CNGB3: variants seen among roughly 807,000 people sequenced by gnomAD.
CNGB3 encodes cyclic nucleotide gated channel subunit beta 3, also known as cyclic nucleotide-gated channel beta-3.
A neutral mutation model predicts 92.8 loss-of-function variants in CNGB3; 86 were observed. The observed-to-expected ratio is 0.93, with a 90% CI of 0.78 to 1.11. The LOEUF (loss-of-function observed/expected upper bound fraction) is 1.11, where lower values mean the gene tolerates loss of function less well. Among genes scored for constraint, CNGB3 ranks in the 50% least tolerant of loss-of-function variants. CNGB3 has a pLI of 0.00. For missense variants in CNGB3, 1,026 were observed against 956.8 expected (o/e 1.07, Z -0.95); for synonymous variants, 333 against 332.7 (o/e 1.00, Z -0.01).
intron 14 of CNGB3, among the ~76,000 whole-genome samples, chr8:86,607,356 G>T (rs1433404426): frequency 6.6e-6 from 1 of 152,152 alleles, no homozygotes. Flanking sequence ...TTAGCGTGTG[G>T]ACTAATTTGG....
chr8:86,629,144 A>G, intron 11 of CNGB3, 66 bp from the exon 12 acceptor site: 1 of 1,541,288 alleles, frequency 6.5e-7, no homozygotes, highest in Non-Finnish European at 9.0e-7. Context: ...GTCAAATTAC[A>G]TGTTTTCCAC....
intron 13 of CNGB3, among the ~76,000 whole-genome samples, chr8:86,619,296 G>T (rs958068038): frequency 6.6e-6 from 1 of 152,114 alleles, no homozygotes; most frequent in Non-Finnish European, 1.5e-5. Flanking sequence ...TTTAAAAATC[G>T]AGATCGAAAT....
At chr8:86,685,168 G>A (rs756254372) in intron 3 of CNGB3, among the ~76,000 whole-genome samples, 1 of 152,012 alleles carries the variant, frequency 6.6e-6, no homozygotes, top group East Asian at 1.9e-4. Context: ...TCTTACAACT[G>A]CATGCAAATC....
intron 16 of CNGB3, 95 bp downstream of exon 16, chr8:86,579,011 A>T: frequency 6.4e-7 from 1 of 1,567,142 alleles, no homozygotes; most frequent in Non-Finnish European, 8.8e-7. Flanking sequence ...CACTGTGATC[A>T]AGTTTATCAC....
intron 3 of CNGB3, among the ~76,000 whole-genome samples, chr8:86,671,848 A>C (rs1439540968): frequency 6.6e-6 from 1 of 152,224 alleles, no homozygotes; most frequent in African/African-American, 2.4e-5. Context: ...GTGAGAGCCT[A>C]GTCTGGCCTG....
At chr8:86,724,828 G>T (rs902172532) in intron 3 of CNGB3, among the ~76,000 whole-genome samples, 2 of 152,052 alleles carry the variant, frequency 1.3e-5, no homozygotes, top group African/African-American at 4.8e-5. Flanking sequence ...AAAGCCTGCG[G>T]CAGGAGGGAA....
chr8:86,607,368 G>A (rs1388339494), intron 14 of CNGB3, among the ~76,000 whole-genome samples: 1 of 152,148 alleles, frequency 6.6e-6, no homozygotes, highest in Non-Finnish European at 1.5e-5. Flanking sequence ...CTAATTTGGA[G>A]AAAGTATGAA....
chr8:86,663,056 A>C (rs762760305), intron 6 of CNGB3, among the ~76,000 whole-genome samples: 3 of 152,238 alleles, frequency 2.0e-5, no homozygotes, highest in Admixed American at 6.5e-5. Flanking sequence ...TAATTAGCCT[A>C]ATCGATATTT....
In CNGB3 at chr8:86,584,571, C is replaced by CT. The variant is rs34030252; in HGVS notation, c.1782-5320dup. The stretch of plus-strand genomic sequence containing the variant: ...CTTTCAGCAATGTTTAAAATAGCAT[C>CT]TTTTTTTTTTTTCATCTTGTCCACA... On this transcript the variant is annotated intron_variant, in intron 15 of 17. Coordinates refer to ENST00000320005, the MANE Select transcript of CNGB3 (RefSeq NM_019098.5). Among the ~76,000 whole-genome samples the CT allele has an allele frequency of 6.9e-3, 1,032 of 149,030 alleles. 10 individuals carry two copies. The highest frequency in any genetic ancestry group is 0.023 in the African/African-American group (939 of 40,458).
At position 86,579,328 on chromosome 8, in the gene CNGB3, C is replaced by A. The variant is rs1305299314; in HGVS notation, c.1782-76G>T. 10 of 1,513,698 alleles carry A rather than the reference C, an allele frequency of 6.6e-6. No homozygotes were observed. In the Admixed American group the frequency reaches 1.7e-4, roughly 25 times the overall value. The allele number at this position is 1,513,698 out of a possible 1,614,324, so 93.8% of individuals were successfully genotyped here. ...TGAAATCTCTTTAAAAAAATAGCAA[C>A]TATTATAAGTATTTATACTGCTTCA... On this transcript the variant is annotated intron_variant, in intron 15 of 17. Transcript: ENST00000320005.
intron 7 of CNGB3, among the ~76,000 whole-genome samples, chr8:86,651,491 A>G: frequency 6.6e-6 from 1 of 151,898 alleles, no homozygotes; most frequent in South Asian, 2.1e-4. Flanking sequence ...CTTTGTAACA[A>G]GTTAAGTGTA....
chr8:86,685,197 T>TTAATTCA (rs1464736865), intron 3 of CNGB3, among the ~76,000 whole-genome samples: 1 of 152,088 alleles, frequency 6.6e-6, no homozygotes, highest in Non-Finnish European at 1.5e-5. Flanking sequence ...AATTAAATTT[T>TTAATTCA]TAATTCATAA....
chr8:86,726,973 T>C (rs980088510), intron 2 of CNGB3, among the ~76,000 whole-genome samples: 1 of 152,196 alleles, frequency 6.6e-6, no homozygotes, highest in African/African-American at 2.4e-5. Flanking sequence ...CCTGATGTTA[T>C]AGCCTACCAC....
At chr8:86,719,579 T>A (rs1346613939) in intron 3 of CNGB3, among the ~76,000 whole-genome samples, 1 of 152,028 alleles carries the variant, frequency 6.6e-6, no homozygotes, top group African/African-American at 2.4e-5. Context: ...CCAAAAGCAA[T>A]CTACAAATTC....
At chr8:86,679,242 C>A (rs141625981) in intron 3 of CNGB3, among the ~76,000 whole-genome samples, 231 of 152,248 alleles carry the variant, frequency 1.5e-3, no homozygotes, top group African/African-American at 5.2e-3. Context: ...TTTCATTTTA[C>A]ACACACTCTT....
chr8:86,614,620 C>CT (rs201135053), intron 13 of CNGB3, among the ~76,000 whole-genome samples: 2,228 of 152,176 alleles, frequency 0.015, 63 homozygotes, highest in African/African-American at 0.049. Flanking sequence ...CCAAACCTAA[C>CT]TTTTTTTTCC....
At chr8:86,736,915 A>C (rs1340031425) in intron 2 of CNGB3, among the ~76,000 whole-genome samples, 1 of 152,214 alleles carries the variant, frequency 6.6e-6, no homozygotes, top group Non-Finnish European at 1.5e-5. Flanking sequence ...AAAATCACAT[A>C]ATCTAGCGGT....
chr8:86,616,549 C>T (rs753133366), intron 13 of CNGB3, among the ~76,000 whole-genome samples: 5 of 151,900 alleles, frequency 3.3e-5, no homozygotes, highest in African/African-American at 4.8e-5. Context: ...CTTTTTCTCT[C>T]GGCAACCCAG....
At chr8:86,689,121 T>C (rs893687862) in intron 3 of CNGB3, among the ~76,000 whole-genome samples, 3 of 151,788 alleles carry the variant, frequency 2.0e-5, no homozygotes, top group Non-Finnish European at 2.9e-5. Context: ...TTTTATTCCA[T>C]TGTGGTCAGA....
Sources: gnomAD v4.1 joint callset for allele counts (sites outside exome capture counted in the v4.1 genomes callset) on GRCh38, gnomAD v4.1.1 for gene constraint, MANE v1.5 for transcripts, NCBI Gene and HGNC (gene_info 2026-07-23, HGNC 2026-07-21) for gene names.